TENM2: variants seen among roughly 807,000 people sequenced by gnomAD.
TENM2 encodes teneurin-2.
TENM2 carries 52 observed loss-of-function variants against 245.2 expected under a neutral mutation model. The observed-to-expected ratio is 0.21, with a 90% CI of 0.17 to 0.27. The LOEUF (loss-of-function observed/expected upper bound fraction) is 0.27, where lower values mean the gene tolerates loss of function less well. Ranked by LOEUF, TENM2 falls within the 10% of genes least tolerant of loss-of-function variation. The probability of loss-of-function intolerance (pLI) is 1.00; values close to 1 mark genes in which losing one functional copy is unlikely to be tolerated. For synonymous variants in TENM2, 1,363 were observed against 1,438.9 expected (o/e 0.95, Z 1.19); for missense variants, 3,046 against 3,666.8 (o/e 0.83, Z 4.37).
the TENM2 span, among the ~76,000 whole-genome samples, chr5:167,277,510 T>C: frequency 1.3e-5 from 2 of 152,122 alleles, no homozygotes; most frequent in African/African-American, 4.8e-5. Context: ...ATTTTTGAGG[T>C]ATGTTTTATG....
intron 2 of TENM2, among the ~76,000 whole-genome samples, chr5:167,411,082 C>T (rs1334861953): frequency 6.6e-6 from 1 of 152,050 alleles, no homozygotes; most frequent in African/African-American, 2.4e-5. Flanking sequence ...AATAGAAGAG[C>T]ATGGCTTTGT....
chr5:167,230,094 G>A, the TENM2 span, among the ~76,000 whole-genome samples: 1 of 152,154 alleles, frequency 6.6e-6, no homozygotes, highest in African/African-American at 2.4e-5. Flanking sequence ...TGTGAGCTGA[G>A]CTCTTAAAGT....
chr5:167,210,907 T>G, the TENM2 span, among the ~76,000 whole-genome samples: 16 of 152,268 alleles, frequency 1.1e-4, no homozygotes, highest in Admixed American at 2.0e-4. Flanking sequence ...AAGATATAAA[T>G]GAGAATGTAT....
chr5:167,763,547 A>C (rs901753370), intron 2 of TENM2, among the ~76,000 whole-genome samples: 1 of 152,214 alleles, frequency 6.6e-6, no homozygotes, highest in Admixed American at 6.5e-5. Context: ...AAGAAAAGAA[A>C]AAAAGATGCT....
At chr5:167,492,657 A>G (rs1768508248) in intron 2 of TENM2, among the ~76,000 whole-genome samples, 1 of 152,102 alleles carries the variant, frequency 6.6e-6, no homozygotes, top group Non-Finnish European at 1.5e-5. Context: ...CCATTGTGCT[A>G]TGCCTGGTGC....
At chr5:168,108,063 G>A (rs1007395064) in intron 9 of TENM2, among the ~76,000 whole-genome samples, 2 of 152,190 alleles carry the variant, frequency 1.3e-5, no homozygotes, top group Admixed American at 6.5e-5. Flanking sequence ...GAGGAAGCAA[G>A]GCTTATAAAG....
chr5:167,681,960 G>A (rs568078752), intron 2 of TENM2, among the ~76,000 whole-genome samples: 97 of 152,056 alleles, frequency 6.4e-4, no homozygotes, highest in Middle Eastern at 3.4e-3. Flanking sequence ...GTTTGTGTGC[G>A]TGCATGTGTG....
intron 25 of TENM2, among the ~76,000 whole-genome samples, chr5:168,237,000 ATTTTTTTTTTTTTTTTTTT>A (rs1167021328): frequency 3.2e-4 from 2 of 6,320 alleles, no homozygotes; most frequent in Non-Finnish European, 4.6e-4. Flanking sequence ...ATATATATAT[ATTTTTTTTTTTTTTTTTTT>A]TTTTTTTTTT....
intron 2 of TENM2, among the ~76,000 whole-genome samples, chr5:167,800,004 T>C (rs960608063): frequency 2.0e-5 from 3 of 152,184 alleles, no homozygotes; most frequent in African/African-American, 7.2e-5. Context: ...CAACTGACAA[T>C]CACTGATGGG....
chr5:167,369,304 G>A (rs1168706605), intron 1 of TENM2, among the ~76,000 whole-genome samples: 1 of 152,054 alleles, frequency 6.6e-6, no homozygotes, highest in Non-Finnish European at 1.5e-5. Flanking sequence ...GTAGAAAAGG[G>A]GAACACTAAA....
intron 12 of TENM2, among the ~76,000 whole-genome samples, chr5:168,158,521 A>G (rs1049842908): frequency 6.6e-6 from 1 of 151,800 alleles, no homozygotes; most frequent in Non-Finnish European, 1.5e-5. Flanking sequence ...AGGTTTCTCA[A>G]CCTTAGCACA....
At chr5:168,195,420 C>T (rs2152520230) in intron 15 of TENM2, 125 bp downstream of exon 17, 2 of 1,122,250 alleles carry the variant, frequency 1.8e-6, no homozygotes, top group South Asian at 1.6e-5. Flanking sequence ...CAGGCCTGTC[C>T]CCTAGTGAGG....
chr5:167,321,627 T>A (rs1430780353), intron 1 of TENM2, among the ~76,000 whole-genome samples: 2 of 152,128 alleles, frequency 1.3e-5, no homozygotes, highest in African/African-American at 2.4e-5. Flanking sequence ...CAAAGCAGCT[T>A]AGGCTGGGGC....
At chr5:167,512,767 T>C (rs762222832) in intron 2 of TENM2, among the ~76,000 whole-genome samples, 4 of 152,208 alleles carry the variant, frequency 2.6e-5, no homozygotes, top group Non-Finnish European at 5.9e-5. Context: ...GGAAAGCAAT[T>C]TAATTTTTCC....
chr5:167,872,309 AG>A, intron 2 of TENM2, among the ~76,000 whole-genome samples: 1 of 30,902 alleles, frequency 3.2e-5, no homozygotes, highest in South Asian at 9.1e-4. Context: ...AAAGAAAGAA[AG>A]AAAGAAAGAA....
At chr5:167,774,184 G>A (rs1317962865) in intron 2 of TENM2, among the ~76,000 whole-genome samples, 6 of 131,432 alleles carry the variant, frequency 4.6e-5, no homozygotes, top group Admixed American at 1.6e-4. Context: ...AAGGAAAGAA[G>A]GGAGGGAGGG....
intron 2 of TENM2, among the ~76,000 whole-genome samples, chr5:167,561,077 C>T (rs1313327567): frequency 6.6e-6 from 1 of 152,106 alleles, no homozygotes; most frequent in Non-Finnish European, 1.5e-5. Flanking sequence ...GCAAAATCAC[C>T]ATTTTTTCTT....
At chr5:167,894,973 GGAAGGAAGGAAGGAA>G (rs1210503285) in intron 3 of TENM2, among the ~76,000 whole-genome samples, 17 of 134,220 alleles carry the variant, frequency 1.3e-4, no homozygotes, top group African/African-American at 3.3e-4. Flanking sequence ...AAGGAAGGAA[GGAAGGAAGGAAGGAA>G]GGAGGGAAGG....
intron 2 of TENM2, among the ~76,000 whole-genome samples, chr5:167,620,109 A>G (rs1389098699): frequency 2.6e-5 from 4 of 152,176 alleles, no homozygotes; most frequent in Non-Finnish European, 4.4e-5. Flanking sequence ...CTGAGAGGTC[A>G]ATAGTCGGCC....
Sources: gnomAD v4.1 joint callset for allele counts (sites outside exome capture counted in the v4.1 genomes callset) on GRCh38, gnomAD v4.1.1 for gene constraint, MANE v1.5 for transcripts, NCBI Gene and HGNC (gene_info 2026-07-23, HGNC 2026-07-21) for gene names.